Variants in KHDRBS2 observed in about 807,000 individuals in gnomAD.
KHDRBS2 encodes the protein KH domain-containing, RNA-binding, signal transduction-associated protein 2.
KHDRBS2 carries 26 observed loss-of-function variants against 44.3 expected under a neutral mutation model. The observed-to-expected ratio is 0.59, with a 90% confidence interval of 0.43 to 0.81. KHDRBS2 has a LOEUF of 0.81. Ranked by LOEUF, KHDRBS2 falls within the 40% of genes least tolerant of loss-of-function variation. The pLI is 0.00. For missense variants in KHDRBS2, 476 were observed against 433.1 expected (o/e 1.10, Z -0.88); for synonymous variants, 194 against 151.1 (o/e 1.28, Z -2.08).
intron 8 of KHDRBS2, among the ~76,000 whole-genome samples, chr6:61,690,086 G>A (rs1003595722): frequency 4.6e-5 from 7 of 151,770 alleles, no homozygotes; most frequent in Non-Finnish European, 1.0e-4. Flanking sequence ...TCAGACCAAC[G>A]TATTTTGTCT....
At chr6:62,157,132 G>A (rs1031031162) in intron 2 of KHDRBS2, among the ~76,000 whole-genome samples, 11 of 151,362 alleles carry the variant, frequency 7.3e-5, no homozygotes, top group Non-Finnish European at 1.5e-4. Flanking sequence ...AAGGTGGGCG[G>A]ATCACGAGGT....
chr6:62,217,365 A>G (rs503774), intron 1 of KHDRBS2, among the ~76,000 whole-genome samples: 73 of 151,962 alleles, frequency 4.8e-4, no homozygotes, highest in African/African-American at 1.7e-3. Flanking sequence ...AACGTCATGT[A>G]ATTGATTGTT....
At position 61,751,349 on chromosome 6, in the gene KHDRBS2, G is replaced by A. The variant is rs182985645; in HGVS notation, c.811-18585C>T. ...GAGTTCCAGGGGCTACTGATAATCTGCTAATCTGGCAAAGGGGTTCATCCG... is the reference window on the plus strand; with the variant it reads ...GAGTTCCAGGGGCTACTGATAATCTACTAATCTGGCAAAGGGGTTCATCCG... On this transcript the variant is annotated intron_variant, in intron 6 of 8. Coordinates refer to ENST00000281156, the MANE Select transcript of KHDRBS2 (RefSeq NM_152688.4). Among the ~76,000 whole-genome samples, 946 of 152,262 alleles carry A rather than the reference G, an allele frequency of 6.2e-3. 6 individuals are homozygous for A. The highest frequency in any genetic ancestry group is 0.017 in the Middle Eastern group (5 of 294).
rs1212294745 is a variant in KHDRBS2 at position 62,234,700 on chromosome 6, C to G, written c.91+51158G>C. 2.6e-5 allele frequency among the ~76,000 whole-genome samples: 4 copies of G among 151,890 alleles called. 1 individual carries two copies. Among genetic ancestry groups the G allele is most frequent in the East Asian group, 3.9e-4 (2 of 5,160 alleles). ...CTAATGTCCATTTAGCACTGACTAC[C>G]TCATTACTTGACTTGGGAAGTGAAT... On this transcript the variant is annotated intron_variant, in intron 1 of 8. Coordinates refer to ENST00000281156, the MANE Select transcript of KHDRBS2 (RefSeq NM_152688.4).
chr6:62,151,841 TC>T (rs1450331850), intron 2 of KHDRBS2, among the ~76,000 whole-genome samples: 2 of 152,092 alleles, frequency 1.3e-5, no homozygotes, highest in Admixed American at 1.3e-4. Context: ...CAAATATCAA[TC>T]ACATGGATAA....
At chr6:61,733,487 C>A (rs1774820828) in intron 6 of KHDRBS2, among the ~76,000 whole-genome samples, 1 of 151,540 alleles carries the variant, frequency 6.6e-6, no homozygotes, top group Non-Finnish European at 1.5e-5. Flanking sequence ...CCCAGCTGCT[C>A]AAGAGGCTGA....
At chr6:62,141,386 AG>A (rs1195013796) in intron 2 of KHDRBS2, among the ~76,000 whole-genome samples, 3 of 152,178 alleles carry the variant, frequency 2.0e-5, no homozygotes, top group South Asian at 2.1e-4. Context: ...ACTGCATGAT[AG>A]AAGAATTGGC....
chr6:62,264,107 A>G (rs905028349), intron 1 of KHDRBS2, among the ~76,000 whole-genome samples: 8 of 151,810 alleles, frequency 5.3e-5, no homozygotes, highest in African/African-American at 1.9e-4. Context: ...ATACAGCCAA[A>G]TACACAGAAA....
chr6:61,764,208 A>G (rs1779677263), intron 6 of KHDRBS2, among the ~76,000 whole-genome samples: 1 of 152,190 alleles, frequency 6.6e-6, no homozygotes, highest in Non-Finnish European at 1.5e-5. Context: ...TATATGTACC[A>G]TGTTTTCTTT....
intron 1 of KHDRBS2, among the ~76,000 whole-genome samples, chr6:62,278,423 A>G (rs1232194606): frequency 6.6e-6 from 1 of 152,178 alleles, no homozygotes; most frequent in Non-Finnish European, 1.5e-5. Flanking sequence ...TCCCATTCTC[A>G]GGTACCAGGC....
Position 62,184,410 on chromosome 6 carries a change from C to A in KHDRBS2, c.92-7098G>T, listed in dbSNP as rs188398266. Among the ~76,000 whole-genome samples the A allele has an allele frequency of 1.5e-3, 230 of 151,740 alleles. 1 individual carries two copies. Among genetic ancestry groups the A allele is most frequent in the African/African-American group, 5.1e-3 (213 of 41,486 alleles). On this transcript the variant is annotated intron_variant, in intron 1 of 8. Coordinates refer to ENST00000281156, the MANE Select transcript of KHDRBS2 (RefSeq NM_152688.4). ...TTTGCCACGAATATCTGCATTATAA[C>A]CCTGTAGAGTCTGTAACAATTATCC...
chr6:61,855,363 C>T (rs1795997186), intron 6 of KHDRBS2, among the ~76,000 whole-genome samples: 1 of 151,902 alleles, frequency 6.6e-6, no homozygotes, highest in South Asian at 2.1e-4. Context: ...CTGACCATTA[C>T]TAGTTGTTTT....
chr6:61,848,812 G>C (rs1186344657), intron 6 of KHDRBS2, among the ~76,000 whole-genome samples: 2 of 151,008 alleles, frequency 1.3e-5, no homozygotes, highest in Non-Finnish European at 3.0e-5. Context: ...GCTATTTAAA[G>C]ACAGGGTAAA....
At chr6:62,186,387 T>G (rs533431464) in intron 1 of KHDRBS2, among the ~76,000 whole-genome samples, 16 of 152,184 alleles carry the variant, frequency 1.1e-4, no homozygotes, top group Admixed American at 5.2e-4. Context: ...ATTTGGGGGC[T>G]GGACATGAGA....
chr6:62,117,837 G>A (rs1451154657), intron 2 of KHDRBS2, among the ~76,000 whole-genome samples: 14 of 151,858 alleles, frequency 9.2e-5, no homozygotes, highest in Non-Finnish European at 1.3e-4. Flanking sequence ...GTGCAGTGGC[G>A]TGATCTCAGC....
chr6:62,022,568 T>C (rs1281022348), intron 3 of KHDRBS2, among the ~76,000 whole-genome samples: 5 of 151,774 alleles, frequency 3.3e-5, no homozygotes, highest in Admixed American at 1.3e-4. Flanking sequence ...ATTGAGATAA[T>C]TGTTTATATG....
At chr6:61,942,469 G>T (rs931210757) in intron 4 of KHDRBS2, among the ~76,000 whole-genome samples, 2 of 151,990 alleles carry the variant, frequency 1.3e-5, no homozygotes, top group Admixed American at 1.3e-4. Flanking sequence ...TAATACACTA[G>T]ATTAAGCAGA....
intron 4 of KHDRBS2, among the ~76,000 whole-genome samples, chr6:61,941,123 G>A (rs1281619450): frequency 2.0e-5 from 3 of 152,148 alleles, no homozygotes; most frequent in Non-Finnish European, 4.4e-5. Flanking sequence ...CCTGTGCCAG[G>A]GCATGCAGCC....
chr6:61,817,536 T>A (rs1789174973), intron 6 of KHDRBS2, among the ~76,000 whole-genome samples: 1 of 152,118 alleles, frequency 6.6e-6, no homozygotes, highest in Non-Finnish European at 1.5e-5. Context: ...GTAAAATGCA[T>A]TAGATTTGAA....
Sources: allele counts gnomAD v4.1 joint callset (sites outside exome capture counted in the v4.1 genomes callset), GRCh38; gene constraint gnomAD v4.1.1; transcripts MANE v1.5; gene names NCBI Gene and HGNC (gene_info 2026-07-23, HGNC 2026-07-21).